CEP41: variants seen among roughly 807,000 people sequenced by gnomAD.
CEP41 encodes centrosomal protein of 41 kDa.
In CEP41, 32 loss-of-function variants were observed where a neutral mutation model predicts 44.3. The ratio of observed to expected loss-of-function variants is 0.72; its 90% confidence interval spans 0.54 to 0.97. CEP41 has a LOEUF of 0.97. CEP41 is among the 50% of genes least tolerant of loss of function. CEP41 has a pLI of 0.00. For synonymous variants in CEP41, 151 were observed against 168.5 expected (o/e 0.90, Z 0.80); for missense variants, 432 against 455.2 (o/e 0.95, Z 0.46).
At chr7:130,411,090 G>A (rs782258186) in intron 5 of CEP41, 32 bp downstream of exon 5, 2 of 1,593,392 alleles carry the variant, frequency 1.3e-6, no homozygotes, top group Non-Finnish European at 1.7e-6. Context: ...TGGTCAGCCT[G>A]TTATTTTCCC....
upstream of CEP41, chr7:130,441,182 A>T (rs1554427822): frequency 1.5e-6 from 1 of 655,674 alleles, no homozygotes; most frequent in African/African-American, 1.8e-5. Context: ...GCAACGCGGG[A>T]CGCCGGCTAG....
chr7:130,404,590 C>T lies in CEP41; in HGVS notation c.396G>A (p.Gly132=). The T allele has an allele frequency of 1.2e-6, 2 of 1,613,776 alleles. No individual in the cohort carries two copies. Among genetic ancestry groups the T allele is most frequent in the Non-Finnish European group, 1.7e-6 (2 of 1,179,738 alleles). Reference sequence around the variant, plus strand: ...TCTGAAGAGTTGAGCGGCTGGAGTCCCCTGCTCCTGCGTTGTTTATGAACT... The same window carrying T: ...TCTGAAGAGTTGAGCGGCTGGAGTCTCCTGCTCCTGCGTTGTTTATGAACT... The part of the protein sequence containing the change: ...PEQFINNAGA[G]DSSRSTLQSV... The change falls in exon 6 of 11, where the codon GGG becomes GGA. Residue 132 remains glycine, a synonymous_variant. Transcript: ENST00000223208.
At chr7:130,401,502 G>A (rs1796842511) in intron 8 of CEP41, among the ~76,000 whole-genome samples, 1 of 151,416 alleles carries the variant, frequency 6.6e-6, no homozygotes. Context: ...AATAATTTTT[G>A]GTATTTAAAT....
At chr7:130,434,807 G>C (rs1797916119) in intron 1 of CEP41, among the ~76,000 whole-genome samples, 1 of 152,160 alleles carries the variant, frequency 6.6e-6, no homozygotes, top group Non-Finnish European at 1.5e-5. Flanking sequence ...TATGGGAGCA[G>C]ATGTCTATAG....
At chr7:130,411,331 C>T (rs1468956928) in intron 4 of CEP41, 140 bp from the exon 5 acceptor site, 1 of 726,014 alleles carries the variant, frequency 1.4e-6, no homozygotes, top group African/African-American at 1.7e-5. Flanking sequence ...CAACTGAACG[C>T]TGAATCTCAG....
At position 130,416,949 on chromosome 7, in the gene CEP41, A is replaced by G. The variant is rs1182566204; in HGVS notation, c.115T>C (p.Tyr39His). Residue 39 changes from tyrosine to histidine, a missense_variant, in exon 3 of 11, where the codon TAT becomes CAT. Physicochemically the swap from Tyr to His is moderately conservative, Grantham distance 83 (BLOSUM62 2). Transcript: ENST00000223208. ...TTAATCTCTTCGAGCTTCTCAGTAT[A>G]TTTAGTCATACTGTTACCTAAAAAG... is the stretch of plus-strand genomic sequence containing the variant. The part of the protein sequence containing the change: ...RLDTGNSMTK[Y>H]TEKLEEIKKN... The G allele has an allele frequency of 2.5e-6, 4 of 1,586,894 alleles. No individual in the cohort carries two copies. The highest frequency in any genetic ancestry group is 3.5e-6 in the Non-Finnish European group (4 of 1,155,254).
At position 130,396,235 on chromosome 7, in the gene CEP41, G is replaced by A; in HGVS notation, c.*2656C>T. 4.4e-6 allele frequency: 2 copies of A among 454,072 alleles called. No individual in the cohort carries two copies. Among genetic ancestry groups the A allele is most frequent in the Non-Finnish European group, 8.8e-6 (2 of 226,764 alleles). The allele number at this position is 454,072 out of a possible 1,614,324, so 28.1% of individuals were successfully genotyped here. On this transcript the variant is annotated 3_prime_UTR_variant, in exon 11 of 11. Coordinates refer to ENST00000223208, the MANE Select transcript of CEP41 (RefSeq NM_018718.3). ...GCACCTTCTGTCTCAGGGTTCACAA[G>A]CCCCAGACAAGGGCAGCTAGTCAAC...
chr7:130,431,649 G>C (rs2117691371), intron 1 of CEP41, among the ~76,000 whole-genome samples: 1 of 152,268 alleles, frequency 6.6e-6, no homozygotes, highest in African/African-American at 2.4e-5. Context: ...CAAGCTAAAG[G>C]AGTAGTGGGT....
Position 130,404,587 on chromosome 7 carries a change from G to A in CEP41, c.399C>T (p.Asp133=), listed in dbSNP as rs1554417788. 8.1e-6 allele frequency: 13 copies of A among 1,613,788 alleles called. No homozygotes were observed. Among genetic ancestry groups the A allele is most frequent in the Non-Finnish European group, 1.0e-5 (12 of 1,179,830 alleles). ...EQFINNAGAG[D]SSRSTLQSVI... The stretch of plus-strand genomic sequence containing the variant: ...ACCTCTGAAGAGTTGAGCGGCTGGA[G>A]TCCCCTGCTCCTGCGTTGTTTATGA... Residue 133 remains aspartate (D), a synonymous_variant, in exon 6 of 11, where the codon GAC becomes GAT. Coordinates refer to ENST00000223208, the MANE Select transcript of CEP41 (RefSeq NM_018718.3).
intron 3 of CEP41, among the ~76,000 whole-genome samples, chr7:130,414,053 T>G (rs1388715733): frequency 1.3e-5 from 2 of 152,202 alleles, no homozygotes; most frequent in Admixed American, 6.5e-5. Context: ...CTTTCATGAA[T>G]TTTCCAAAAA....
rs1489911745 is a variant in CEP41 at position 130,394,567 on chromosome 7, C to G, written c.*4324G>C. 2.2e-6 allele frequency: 1 copy of G among 453,960 alleles called. No individual in the cohort carries two copies. Among genetic ancestry groups the G allele is most frequent in the Non-Finnish European group, 4.4e-6 (1 of 226,796 alleles). The allele number at this position is 453,960 out of a possible 1,614,324, so 28.1% of individuals were successfully genotyped here. A position where few individuals can be genotyped will look rare whatever the true frequency, so the allele number is the denominator to read the frequency against. On this transcript the variant is annotated 3_prime_UTR_variant, in exon 11 of 11. Transcript: ENST00000223208. ...GACAGGGTAATAACACCCCCAGCAGCTCTCTGGGTACTTCCTGTAGAGGGA... is the reference window on the plus strand; with the variant it reads ...GACAGGGTAATAACACCCCCAGCAGGTCTCTGGGTACTTCCTGTAGAGGGA...
rs1413177096 is a variant in CEP41 at position 130,416,914 on chromosome 7, C to T, written c.145+5G>A. 17 of 1,580,916 alleles carry T rather than the reference C, an allele frequency of 1.1e-5. No individual in the cohort carries two copies. Among genetic ancestry groups the T allele is most frequent in the Non-Finnish European group, 1.4e-5 (16 of 1,149,890 alleles). ...CTCTCCCAAACCATCAAGAGTGTTA[C>T]TTACTTTTCTTAATCTCTTCGAGCT... On this transcript the variant is annotated splice_donor_5th_base_variant and intron_variant, in intron 3 of 10. Coordinates refer to ENST00000223208, the MANE Select transcript of CEP41 (RefSeq NM_018718.3).
intron 5 of CEP41, among the ~76,000 whole-genome samples, chr7:130,408,491 A>G (rs1191083518): frequency 1.3e-5 from 2 of 152,270 alleles, no homozygotes; most frequent in African/African-American, 4.8e-5. Context: ...ACACACACAC[A>G]GAGCATAATC....
chr7:130,423,600 G>A (rs1797574018), intron 2 of CEP41, among the ~76,000 whole-genome samples: 1 of 152,178 alleles, frequency 6.6e-6, no homozygotes, highest in Non-Finnish European at 1.5e-5. Flanking sequence ...CATATGAAAA[G>A]CAATTCAAGT....
rs1554413415 is a variant in CEP41 at position 130,393,955 on chromosome 7, A to G, written c.*4936T>C. 1 of 454,134 alleles carries G rather than the reference A, an allele frequency of 2.2e-6. No individual in the cohort carries two copies. Among genetic ancestry groups the G allele is most frequent in the Non-Finnish European group, 4.4e-6 (1 of 226,798 alleles). 28.1% of individuals were successfully genotyped at this position (454,134 alleles called of 1,614,324 possible). ...GCACCTGTCTTCAAGATAAGACAGCAGACACAGGCGGTGGAAATGTGGAAA... is the reference window on the plus strand; with the variant it reads ...GCACCTGTCTTCAAGATAAGACAGCGGACACAGGCGGTGGAAATGTGGAAA... On this transcript the variant is annotated 3_prime_UTR_variant, in exon 11 of 11. Transcript: ENST00000223208.
intron 5 of CEP41, chr7:130,410,777 T>C (rs949705954): frequency 5.7e-6 from 2 of 352,664 alleles, no homozygotes; most frequent in African/African-American, 2.1e-5. Flanking sequence ...TGACTGTCAA[T>C]TTCATGTAAG....
chr7:130,402,803 C>T lies in CEP41; in HGVS notation c.423-4G>A. 1 of 1,614,098 alleles carries T rather than the reference C, an allele frequency of 6.2e-7. No individual in the cohort carries two copies. The highest frequency in any genetic ancestry group is 8.5e-7 in the Non-Finnish European group (1 of 1,179,972). ...TTCCCCAACACCACTGATGACACTG[C>T]AAGTGAAAAAGTAGGTCAGCAGAAA... is the stretch of plus-strand genomic sequence containing the variant. On this transcript the variant is annotated splice_region_variant and splice_polypyrimidine_tract_variant and intron_variant, in intron 6 of 10. Transcript: ENST00000223208.
At chr7:130,411,267 C>T (rs559696646) in intron 4 of CEP41, 76 bp from the exon 5 acceptor site, 12 of 1,169,396 alleles carry the variant, frequency 1.0e-5, no homozygotes, top group African/African-American at 4.5e-5. Context: ...TTACAAAAGA[C>T]GAGGGAACAA....
intron 1 of CEP41, among the ~76,000 whole-genome samples, chr7:130,428,368 G>A (rs1273327082): frequency 7.0e-6 from 1 of 142,944 alleles, no homozygotes; most frequent in Non-Finnish European, 1.5e-5. Context: ...AGGCTCCAGC[G>A]AGGTGAGGTG....
Sources: gnomAD v4.1 joint callset for allele counts (sites outside exome capture counted in the v4.1 genomes callset) on GRCh38, gnomAD v4.1.1 for gene constraint, MANE v1.5 for transcripts, NCBI Gene and HGNC (gene_info 2026-07-23, HGNC 2026-07-21) for gene names.